MYO10: variants seen among roughly 807,000 people sequenced by gnomAD.
The protein encoded by MYO10 is unconventional myosin-X.
MYO10 carries 133 observed loss-of-function variants against 257.3 expected under a neutral mutation model. That is an observed-to-expected ratio of 0.52 (90% confidence interval 0.45 to 0.60). The LOEUF (loss-of-function observed/expected upper bound fraction) is 0.60. Among genes scored for constraint, MYO10 ranks in the 20% least tolerant of loss-of-function variants. The probability of loss-of-function intolerance (pLI) is 0.00; values close to 1 mark genes in which losing one functional copy is unlikely to be tolerated. For synonymous variants in MYO10, 1,104 were observed against 1,028.6 expected (o/e 1.07, Z -1.40); for missense variants, 2,399 against 2,635.7 (o/e 0.91, Z 1.97).
At chr5:16,698,164 AGTT>A (rs1737848194) in intron 26 of MYO10, among the ~76,000 whole-genome samples, 1 of 152,024 alleles carries the variant, frequency 6.6e-6, no homozygotes, top group Non-Finnish European at 1.5e-5. Flanking sequence ...TGAGGCCAAG[AGTT>A]GGAGACCAGC....
chr5:16,865,237 T>C (rs1437892261), intron 2 of MYO10, among the ~76,000 whole-genome samples: 1 of 152,102 alleles, frequency 6.6e-6, no homozygotes, highest in Non-Finnish European at 1.5e-5. Context: ...CTCTTTCCCT[T>C]TACTTTTAGG....
In MYO10 at chr5:16,668,394, T is replaced by G; in HGVS notation, c.5958A>C (p.Gly1986=). The G allele has an allele frequency of 6.2e-7, 1 of 1,613,970 alleles. No individual in the cohort carries two copies. ...GGAAGACTTCCAGTGGTCTTCCCTCTCCACGCTTGTAGACGGAGACGGCGT... is the reference window on the plus strand; with the variant it reads ...GGAAGACTTCCAGTGGTCTTCCCTCGCCACGCTTGTAGACGGAGACGGCGT... ...SADAVSVYKR[G]EGRPLEVFQY... The change falls in exon 40 of 41, where the codon GGA becomes GGC. Residue 1986 remains glycine (G), a synonymous_variant. Transcript: ENST00000513610.
At chr5:16,741,951 G>C (rs144012975) in intron 19 of MYO10, 1 of 985,302 alleles carries the variant, frequency 1.0e-6, no homozygotes, top group Non-Finnish European at 1.2e-6. Flanking sequence ...GGTGCGTCTC[G>C]GGCTGTGCTG....
At chr5:16,671,689 A>AAT in intron 37 of MYO10, 147 bp from the exon 38 acceptor site, 1 of 1,032,452 alleles carries the variant, frequency 9.7e-7, no homozygotes, top group East Asian at 2.6e-5. Flanking sequence ...GGGATAGAGG[A>AAT]ATAAACAGAG....
At chr5:16,914,715 A>G (rs1745767733) in intron 1 of MYO10, among the ~76,000 whole-genome samples, 2 of 152,206 alleles carry the variant, frequency 1.3e-5, no homozygotes, top group African/African-American at 4.8e-5. Flanking sequence ...CGCACTAGAA[A>G]AAGTCCAAAT....
At chr5:16,885,277 C>T (rs1042403403) in intron 1 of MYO10, among the ~76,000 whole-genome samples, 4 of 151,848 alleles carry the variant, frequency 2.6e-5, no homozygotes, top group African/African-American at 7.3e-5. Context: ...TGCTCTTTAA[C>T]CTCAGATGCT....
At chr5:16,796,487 G>GAAAGA (rs1741976774) in intron 3 of MYO10, among the ~76,000 whole-genome samples, 1 of 148,672 alleles carries the variant, frequency 6.7e-6, no homozygotes, top group African/African-American at 2.5e-5. Flanking sequence ...AGAAAAGAAA[G>GAAAGA]AAAGAAAGAA....
At position 16,800,336 on chromosome 5, in the gene MYO10, C is replaced by T. The variant is rs1475185690; in HGVS notation, c.280-5503G>A. On this transcript the variant is annotated intron_variant, in intron 3 of 40. Coordinates refer to ENST00000513610, the MANE Select transcript of MYO10 (RefSeq NM_012334.3). Reference sequence around the variant, plus strand: ...ACTTTTGGAGGCCAAGGTGGGAGAACTGCCTGAGCCAAGGAGTTCAAGACC... The same window carrying T: ...ACTTTTGGAGGCCAAGGTGGGAGAATTGCCTGAGCCAAGGAGTTCAAGACC... Among the ~76,000 whole-genome samples, 3 of 152,130 alleles carry T rather than the reference C, an allele frequency of 2.0e-5. No individual in the cohort carries two copies. In the South Asian group the frequency reaches 6.2e-4, roughly 32 times the overall value.
At position 16,674,843 on chromosome 5, in the gene MYO10, C is replaced by T. The variant is rs774468319; in HGVS notation, c.4964+10G>A. 4 of 1,613,504 alleles carry T rather than the reference C, an allele frequency of 2.5e-6. No individual in the cohort carries two copies. Among genetic ancestry groups the T allele is most frequent in the African/African-American group, 2.7e-5 (2 of 74,896 alleles). On this transcript the variant is annotated intron_variant, in intron 35 of 40. Coordinates refer to ENST00000513610, the MANE Select transcript of MYO10 (RefSeq NM_012334.3). The stretch of plus-strand genomic sequence containing the variant: ...CTGCCCAGCTCATCTCCCGTGCCCC[C>T]ATGCTTTACCTTTTCAGATGGAACT...
At chr5:16,917,713 A>T (rs1245489627) in intron 1 of MYO10, among the ~76,000 whole-genome samples, 1 of 151,978 alleles carries the variant, frequency 6.6e-6, no homozygotes, top group Non-Finnish European at 1.5e-5. Flanking sequence ...AAAGGAAAAA[A>T]AAAAGAAAAA....
intron 1 of MYO10, among the ~76,000 whole-genome samples, chr5:16,932,655 T>G (rs1746322208): frequency 6.6e-6 from 1 of 152,210 alleles, no homozygotes; most frequent in Admixed American, 6.5e-5. Context: ...GAATGTGGCA[T>G]GCTCAGTTTC....
At chr5:16,846,244 C>T (rs900776210) in intron 2 of MYO10, among the ~76,000 whole-genome samples, 1 of 152,232 alleles carries the variant, frequency 6.6e-6, no homozygotes, top group Non-Finnish European at 1.5e-5. Flanking sequence ...ACACTACCGT[C>T]TCTAAGTACC....
At chr5:16,895,712 T>C (rs1745195868) in intron 1 of MYO10, among the ~76,000 whole-genome samples, 1 of 136,644 alleles carries the variant, frequency 7.3e-6, no homozygotes, top group Admixed American at 7.5e-5. Context: ...CCTTCCCAAA[T>C]ACTCTGGCCA....
chr5:16,840,437 GAATGAATGA>G (rs999882691), intron 2 of MYO10, among the ~76,000 whole-genome samples: 5 of 111,400 alleles, frequency 4.5e-5, no homozygotes, highest in African/African-American at 1.3e-4. Flanking sequence ...ATGAATGAAT[GAATGAATGA>G]AAGAAAGAAA....
intron 4 of MYO10, 128 bp from the exon 5 acceptor site, chr5:16,783,597 G>T: frequency 9.4e-7 from 1 of 1,065,390 alleles, no homozygotes; most frequent in East Asian, 2.6e-5. Flanking sequence ...AGATCAAAAT[G>T]CCTGTTTCCA....
intron 2 of MYO10, among the ~76,000 whole-genome samples, chr5:16,818,371 TGTGTGTGTGC>T (rs1294671371): frequency 9.9e-6 from 1 of 100,556 alleles, no homozygotes; most frequent in African/African-American, 3.7e-5. Context: ...TATGTGTGTG[TGTGTGTGTGC>T]GTGTGTGTGT....
chr5:16,709,728 T>TA (rs1266368570), intron 21 of MYO10, among the ~76,000 whole-genome samples: 5 of 152,188 alleles, frequency 3.3e-5, no homozygotes, highest in African/African-American at 9.7e-5. Context: ...CTCTGACCCT[T>TA]AGATACTATG....
chr5:16,896,711 G>C (rs1189197460), intron 1 of MYO10, among the ~76,000 whole-genome samples: 1 of 152,234 alleles, frequency 6.6e-6, no homozygotes, highest in Non-Finnish European at 1.5e-5. Context: ...TGGAATGACA[G>C]GAGCTGGATC....
chr5:16,686,173 A>C (rs890284667), intron 28 of MYO10, among the ~76,000 whole-genome samples: 1 of 152,176 alleles, frequency 6.6e-6, no homozygotes, highest in African/African-American at 2.4e-5. Flanking sequence ...TCTACCCAAA[A>C]TACTTATATC....
Sources: allele counts gnomAD v4.1 joint callset (sites outside exome capture counted in the v4.1 genomes callset), GRCh38; gene constraint gnomAD v4.1.1; transcripts MANE v1.5; gene names NCBI Gene and HGNC (gene_info 2026-07-23, HGNC 2026-07-21).